NCAM1: variants seen among roughly 807,000 people sequenced by gnomAD.
NCAM1 encodes the protein neural cell adhesion molecule 1.
Under a neutral mutation model 109.8 loss-of-function variants are expected in NCAM1, and 14 were observed. The observed-to-expected ratio is 0.13, with a 90% CI of 0.08 to 0.20. The LOEUF (loss-of-function observed/expected upper bound fraction) is 0.20. Ranked by LOEUF, NCAM1 falls within the 10% of genes least tolerant of loss-of-function variation. NCAM1 has a pLI of 1.00. For missense variants in NCAM1, 774 were observed against 1,109.9 expected (o/e 0.70, Z 4.30); for synonymous variants, 418 against 442.9 (o/e 0.94, Z 0.70).
chr11:113,007,393 A>G (rs1951918412), intron 1 of NCAM1, among the ~76,000 whole-genome samples: 1 of 152,184 alleles, frequency 6.6e-6, no homozygotes, highest in East Asian at 1.9e-4. Flanking sequence ...CAAATAGTCT[A>G]AAAGCATCAT....
intron 1 of NCAM1, among the ~76,000 whole-genome samples, chr11:113,171,086 A>G (rs1222722474): frequency 6.6e-6 from 1 of 152,218 alleles, no homozygotes; most frequent in African/African-American, 2.4e-5. Context: ...TCTGTGTGCC[A>G]GAGGCTGTGA....
At chr11:113,236,709 C>G (rs1156968868) in intron 14 of NCAM1, among the ~76,000 whole-genome samples, 1 of 152,212 alleles carries the variant, frequency 6.6e-6, no homozygotes, top group African/African-American at 2.4e-5. Flanking sequence ...GACCACAGCC[C>G]CACCAGGCCA....
intron 16 of NCAM1, among the ~76,000 whole-genome samples, chr11:113,256,294 C>T (rs1945832729): frequency 6.6e-6 from 1 of 152,160 alleles, no homozygotes. Context: ...GTTATTTTGC[C>T]ATTATCTAGT....
intron 1 of NCAM1, among the ~76,000 whole-genome samples, chr11:113,124,377 A>G (rs1313958443): frequency 6.6e-6 from 1 of 152,128 alleles, no homozygotes; most frequent in African/African-American, 2.4e-5. Flanking sequence ...TTGGTCACCA[A>G]CATAGGGCAA....
In NCAM1 at chr11:113,207,344, G is replaced by A. The variant is rs371057906; in HGVS notation, c.712G>A (p.Glu238Lys). The A allele has an allele frequency of 3.5e-5, 56 of 1,613,836 alleles. No homozygotes were observed. The highest frequency in any genetic ancestry group is 8.8e-5 in the South Asian group (8 of 91,084). The change falls in exon 6 of 20, where the codon GAA becomes AAA. Residue 238 changes from glutamate to lysine, a missense_variant. Physicochemically the swap from Glu to Lys is moderately conservative, Grantham distance 56. Transcript: ENST00000316851. ...GQSVTLVCDA[E>K]GFPEPTMSWT... is the part of the protein sequence containing the mutation. ...GTCCGTCACCCTGGTGTGCGATGCC[G>A]AAGGCTTCCCAGAGCCCACCATGAG...
At chr11:113,162,661 A>C (rs1942639633) in intron 1 of NCAM1, among the ~76,000 whole-genome samples, 1 of 152,204 alleles carries the variant, frequency 6.6e-6, no homozygotes, top group Non-Finnish European at 1.5e-5. Context: ...ATGTAATGGA[A>C]AAAGAAAAAA....
intron 1 of NCAM1, chr11:113,133,917 G>A (rs1555098844): frequency 6.6e-6 from 1 of 151,814 alleles, no homozygotes; most frequent in African/African-American, 2.4e-5. Context: ...GAGAAAATTT[G>A]TAATTTTGTA....
chr11:113,098,228 A>T (rs1169575706), intron 1 of NCAM1, among the ~76,000 whole-genome samples: 2 of 152,106 alleles, frequency 1.3e-5, no homozygotes, highest in African/African-American at 4.8e-5. Flanking sequence ...ATAAGCAAAC[A>T]CAGTTGTCCC....
At chr11:113,179,059 G>A (rs1943254388) in intron 1 of NCAM1, among the ~76,000 whole-genome samples, 1 of 152,188 alleles carries the variant, frequency 6.6e-6, no homozygotes, top group Non-Finnish European at 1.5e-5. Flanking sequence ...GTAATACCAT[G>A]TTGGTAGCTT....
chr11:112,997,110 C>T (rs1270358988), intron 1 of NCAM1, among the ~76,000 whole-genome samples: 4 of 151,936 alleles, frequency 2.6e-5, no homozygotes, highest in African/African-American at 9.7e-5. Flanking sequence ...ATGCACTAGG[C>T]AGGGTTCACT....
intron 1 of NCAM1, among the ~76,000 whole-genome samples, chr11:113,151,181 C>T (rs1356646793): frequency 1.3e-5 from 2 of 152,068 alleles, no homozygotes; most frequent in African/African-American, 4.8e-5. Flanking sequence ...CTCTTAATGA[C>T]CTGAATCCTA....
At chr11:113,059,693 A>G (rs111646415) in intron 1 of NCAM1, among the ~76,000 whole-genome samples, 3 of 152,290 alleles carry the variant, frequency 2.0e-5, no homozygotes, top group African/African-American at 7.2e-5. Context: ...CTTCAGCCAT[A>G]TTCCATCGGT....
At chr11:113,035,569 A>G (rs1952849235) in intron 1 of NCAM1, among the ~76,000 whole-genome samples, 1 of 152,250 alleles carries the variant, frequency 6.6e-6, no homozygotes, top group East Asian at 1.9e-4. Context: ...CCACTGAAAT[A>G]TTTTTTAAAG....
At chr11:113,172,147 T>A (rs551581532) in intron 1 of NCAM1, among the ~76,000 whole-genome samples, 1 of 152,334 alleles carries the variant, frequency 6.6e-6, no homozygotes, top group Admixed American at 6.5e-5. Flanking sequence ...CCTGCTCAGT[T>A]TAGACCAGTT....
At position 113,157,136 on chromosome 11, in the gene NCAM1, G is replaced by GAGAC. The variant is rs1555103559; in HGVS notation, c.53-45242_53-45241insGACA. Among the ~76,000 whole-genome samples, 168 of 146,974 alleles carry GAGAC rather than the reference G, an allele frequency of 1.1e-3. 1 individual carries two copies. The highest frequency in any genetic ancestry group is 9.2e-3 in the South Asian group (42 of 4,584). ...TTAAAGACAAAAGGTGTTTCCCTGAGACACACACACACACACACACACACA... is the reference window on the plus strand; with the variant it reads ...TTAAAGACAAAAGGTGTTTCCCTGAGAGACACACACACACACACACACACACACA... On this transcript the variant is annotated intron_variant, in intron 1 of 19. Transcript: ENST00000316851.
chr11:112,975,516 GATAA>G (rs1287927892), intron 1 of NCAM1, among the ~76,000 whole-genome samples: 2 of 151,950 alleles, frequency 1.3e-5, no homozygotes, highest in Non-Finnish European at 2.9e-5. Flanking sequence ...GTCAGAAAAT[GATAA>G]ATAAGAGTTA....
chr11:113,038,484 C>T (rs1952964052), intron 1 of NCAM1, among the ~76,000 whole-genome samples: 4 of 152,282 alleles, frequency 2.6e-5, no homozygotes, highest in South Asian at 2.1e-4. Context: ...TTTTTATTCT[C>T]GTCTTATCTC....
At chr11:113,272,716 G>A (rs1029187150) in intron 19 of NCAM1, among the ~76,000 whole-genome samples, 5 of 152,096 alleles carry the variant, frequency 3.3e-5, no homozygotes, top group African/African-American at 1.2e-4. Context: ...TTTTGAGACC[G>A]CCACGTTCTC....
At chr11:113,057,236 G>A (rs756306046) in intron 1 of NCAM1, among the ~76,000 whole-genome samples, 1 of 152,240 alleles carries the variant, frequency 6.6e-6, no homozygotes, top group African/African-American at 2.4e-5. Flanking sequence ...ACCAGGTGAG[G>A]TGTGAGAGGA....
Sources: gnomAD v4.1 joint callset for allele counts (sites outside exome capture counted in the v4.1 genomes callset) on GRCh38, gnomAD v4.1.1 for gene constraint, MANE v1.5 for transcripts, NCBI Gene and HGNC (gene_info 2026-07-23, HGNC 2026-07-21) for gene names.